CDH13: variants seen among roughly 807,000 people sequenced by gnomAD.
The protein encoded by CDH13 is cadherin-13.
CDH13 carries 24 observed loss-of-function variants against 63.8 expected under a neutral mutation model. That is an observed-to-expected ratio of 0.38 (90% CI 0.27 to 0.53). The LOEUF (loss-of-function observed/expected upper bound fraction) is 0.53. CDH13 is among the 20% of genes least tolerant of loss of function. The probability of loss-of-function intolerance (pLI) is 0.85; values close to 1 mark genes in which losing one functional copy is unlikely to be tolerated. For synonymous variants in CDH13, 503 were observed against 355.3 expected, an observed-to-expected ratio of 1.42 and a Z score of -4.67; for missense variants, 1,049 against 903.1, an observed-to-expected ratio of 1.16 and a Z score of -2.07.
At chr16:83,113,311 A>T (rs2151624931) in intron 3 of CDH13, among the ~76,000 whole-genome samples, 1 of 152,360 alleles carries the variant, frequency 6.6e-6, no homozygotes, top group South Asian at 2.1e-4. Context: ...CCAACATCTT[A>T]CTCATTTACT....
At chr16:83,584,965 G>A (rs1457853641) in intron 7 of CDH13, among the ~76,000 whole-genome samples, 2 of 152,078 alleles carry the variant, frequency 1.3e-5, no homozygotes, top group Non-Finnish European at 2.9e-5. Flanking sequence ...CTACTGTGGG[G>A]GTGGCACCAA....
intron 1 of CDH13, among the ~76,000 whole-genome samples, chr16:82,769,449 C>A (rs1164263553): frequency 6.6e-6 from 1 of 152,170 alleles, no homozygotes; most frequent in Non-Finnish European, 1.5e-5. Flanking sequence ...TTCATGCCCT[C>A]AGCATCAGGG....
chr16:82,972,810 A>C (rs1417589550), intron 2 of CDH13, among the ~76,000 whole-genome samples: 7 of 152,158 alleles, frequency 4.6e-5, no homozygotes, highest in Admixed American at 3.3e-4. Flanking sequence ...TCAAGCTCTT[A>C]GCTGAAATCT....
At chr16:82,634,045 A>C (rs1908349550) in intron 1 of CDH13, among the ~76,000 whole-genome samples, 1 of 152,238 alleles carries the variant, frequency 6.6e-6, no homozygotes, top group Admixed American at 6.5e-5. Flanking sequence ...CTCATTTCAA[A>C]GACACCAATG....
intron 5 of CDH13, among the ~76,000 whole-genome samples, chr16:83,326,643 G>A (rs527288795): frequency 1.3e-4 from 20 of 152,210 alleles, no homozygotes; most frequent in African/African-American, 4.8e-4. Context: ...CAATCTAGGT[G>A]GTGGGTAGGA....
chr16:82,781,847 A>G (rs2035769671), intron 1 of CDH13, among the ~76,000 whole-genome samples: 1 of 152,248 alleles, frequency 6.6e-6, no homozygotes. Flanking sequence ...ACGGGAGTAT[A>G]TGTAAACCAA....
At chr16:83,065,720 AC>A (rs2031954357) in intron 3 of CDH13, among the ~76,000 whole-genome samples, 2 of 89,978 alleles carry the variant, frequency 2.2e-5, no homozygotes, top group African/African-American at 1.4e-4. Context: ...AAACAAAAAA[AC>A]AAAAAAACAA....
intron 2 of CDH13, among the ~76,000 whole-genome samples, chr16:82,976,955 T>C (rs948527427): frequency 6.6e-6 from 1 of 152,216 alleles, no homozygotes; most frequent in African/African-American, 2.4e-5. Flanking sequence ...GAACTCTTGG[T>C]CCATCAGTCT....
chr16:83,103,146 T>TTCCAC (rs1448501065), intron 3 of CDH13, among the ~76,000 whole-genome samples: 2 of 150,882 alleles, frequency 1.3e-5, no homozygotes, highest in African/African-American at 4.9e-5. Flanking sequence ...AGAGATGGGG[T>TTCCAC]TCCACCATGT....
intron 6 of CDH13, among the ~76,000 whole-genome samples, chr16:83,429,073 A>G (rs2072007637): frequency 6.6e-6 from 1 of 152,240 alleles, no homozygotes. Flanking sequence ...GGAAAGCCTT[A>G]TCCTTTGAAA....
At chr16:83,506,965 C>G (rs1039850409) in intron 7 of CDH13, among the ~76,000 whole-genome samples, 1 of 152,340 alleles carries the variant, frequency 6.6e-6, no homozygotes, top group Admixed American at 6.5e-5. Context: ...TATCTCCAAG[C>G]CACAAACACT....
intron 10 of CDH13, among the ~76,000 whole-genome samples, chr16:83,697,130 A>T (rs1905511952): frequency 6.6e-6 from 1 of 152,126 alleles, no homozygotes; most frequent in Admixed American, 6.5e-5. Flanking sequence ...TCACCCACTC[A>T]ATAAAATGTA....
At chr16:83,452,228 T>C (rs1215272942) in intron 6 of CDH13, among the ~76,000 whole-genome samples, 1 of 152,248 alleles carries the variant, frequency 6.6e-6, no homozygotes, top group African/African-American at 2.4e-5. Context: ...GTCGGTAGTA[T>C]GTCAGCAATT....
chr16:82,859,612 C>T (rs1012365752), intron 2 of CDH13: 3 of 151,772 alleles, frequency 2.0e-5, no homozygotes, highest in East Asian at 1.9e-4. Context: ...TGATCATACG[C>T]TCCAAGGTCT....
intron 1 of CDH13, among the ~76,000 whole-genome samples, chr16:82,632,431 C>T (rs1908125678): frequency 2.0e-5 from 3 of 152,128 alleles, no homozygotes. Flanking sequence ...ACATTACTGG[C>T]AGTACTTTTG....
intron 11 of CDH13, among the ~76,000 whole-genome samples, chr16:83,769,822 G>C (rs777750490): frequency 6.6e-6 from 1 of 152,140 alleles, no homozygotes; most frequent in African/African-American, 2.4e-5. Flanking sequence ...GTGTGGTGAG[G>C]GGGAGGTGAG....
At chr16:83,456,779 T>C (rs1455051028) in intron 6 of CDH13, among the ~76,000 whole-genome samples, 1 of 152,100 alleles carries the variant, frequency 6.6e-6, no homozygotes, top group Non-Finnish European at 1.5e-5. Context: ...CTGGCCAATA[T>C]GGCAAAACCC....
intron 8 of CDH13, among the ~76,000 whole-genome samples, chr16:83,623,611 G>A (rs1048528824): frequency 2.0e-5 from 3 of 152,096 alleles, no homozygotes; most frequent in East Asian, 3.9e-4. Flanking sequence ...TTTGCTAATC[G>A]CCCCTGAATG....
intron 7 of CDH13, among the ~76,000 whole-genome samples, chr16:83,524,180 C>T (rs1237148745): frequency 6.6e-6 from 1 of 152,066 alleles, no homozygotes; most frequent in Non-Finnish European, 1.5e-5. Context: ...TGCACGACAA[C>T]CAAGAGAATT....
Sources: allele counts gnomAD v4.1 joint callset (sites outside exome capture counted in the v4.1 genomes callset), GRCh38; gene constraint gnomAD v4.1.1; transcripts MANE v1.5; gene names NCBI Gene and HGNC (gene_info 2026-07-23, HGNC 2026-07-21).